The following PHF14 variants were observed in gnomAD, a reference collection of about 807,000 sequenced individuals.
PHF14 encodes the protein PHD finger protein 14.
A neutral mutation model predicts 117.9 loss-of-function variants in PHF14; 55 were observed. The observed-to-expected ratio is 0.47, with a 90% CI of 0.38 to 0.58. The LOEUF is 0.58. PHF14 is among the 20% of genes least tolerant of loss of function. The probability of loss-of-function intolerance (pLI) is 0.00; values close to 1 mark genes in which losing one functional copy is unlikely to be tolerated. For synonymous variants in PHF14, 409 were observed against 368.6 expected (o/e 1.11, Z -1.26); for missense variants, 978 against 1,122.2 (o/e 0.87, Z 1.84).
At chr7:11,006,777 C>A (rs538747162) in intron 4 of PHF14, 1 of 789,656 alleles carries the variant, frequency 1.3e-6, no homozygotes. Context: ...TGGCTGTGGA[C>A]ACCTTTCAAC....
chr7:10,986,636 G>A (rs1358774412), intron 3 of PHF14, among the ~76,000 whole-genome samples: 76 of 152,090 alleles, frequency 5.0e-4, no homozygotes, highest in Non-Finnish European at 2.9e-5. Context: ...TAAATTTAGT[G>A]CAGCCTGAAG....
chr7:10,982,223 G>A, intron 2 of PHF14, 149 bp from the exon 3 acceptor site: 1 of 551,298 alleles, frequency 1.8e-6, no homozygotes, highest in Non-Finnish European at 3.2e-6. Flanking sequence ...ATCAGGTTGG[G>A]AATGTCTACC....
chr7:11,086,098 C>T (rs1170752729), intron 16 of PHF14, among the ~76,000 whole-genome samples: 1 of 152,104 alleles, frequency 6.6e-6, no homozygotes, highest in East Asian at 1.9e-4. Context: ...TGCTTATTCT[C>T]CTTCATCAAC....
At chr7:10,988,851 G>A (rs963355153) in intron 3 of PHF14, among the ~76,000 whole-genome samples, 1 of 152,024 alleles carries the variant, frequency 6.6e-6, no homozygotes, top group African/African-American at 2.4e-5. Flanking sequence ...TCGCCATTTT[G>A]CAGATAAAGA....
chr7:10,975,931 C>A (rs11762175), intron 2 of PHF14, among the ~76,000 whole-genome samples: 52,028 of 151,954 alleles, frequency 0.34, 10,058 homozygotes, highest in South Asian at 0.45. Flanking sequence ...ACTGTTGCTA[C>A]TTTTAGTAGC....
intron 17 of PHF14, among the ~76,000 whole-genome samples, chr7:11,122,825 G>A (rs1787816201): frequency 2.0e-5 from 3 of 152,034 alleles, no homozygotes; most frequent in Admixed American, 2.0e-4. Context: ...AGTAGCTTCA[G>A]TAGTGTTTTC....
At chr7:11,059,714 C>T (rs1785146389) in intron 14 of PHF14, among the ~76,000 whole-genome samples, 1 of 152,046 alleles carries the variant, frequency 6.6e-6, no homozygotes, top group African/African-American at 2.4e-5. Flanking sequence ...GCGGAAACTA[C>T]AGTGAGCTGA....
At position 10,982,792 on chromosome 7, in the gene PHF14, G is replaced by A; in HGVS notation, c.533G>A (p.Ser178Asn). ...TTTTATEEQV[S>N]EPKKWNLRRN... ...ACAACCGCTACAGAGGAACAAGTCAGCGAGCCAAAAAAATGGAACCTTCGA... is the reference window on the plus strand; with the variant it reads ...ACAACCGCTACAGAGGAACAAGTCAACGAGCCAAAAAAATGGAACCTTCGA... The change falls in exon 3 of 18, where the codon AGC becomes AAC. Residue 178 changes from serine (S) to asparagine (N), a missense_variant. Physicochemically the swap from Ser to Asn is conservative, Grantham distance 46 (BLOSUM62 1). Around this residue, in one of 7 missense-constraint regions of PHF14, gnomAD observed 414 missense variants for 376.4 expected, o/e 1.10. Coordinates refer to ENST00000634607, the MANE Select transcript of PHF14 (RefSeq NM_001007157.2). 1.9e-6 allele frequency: 3 copies of A among 1,613,902 alleles called. No homozygotes were observed. The highest frequency in any genetic ancestry group is 2.7e-5 in the African/African-American group (2 of 75,018).
chr7:11,061,590 A>T (rs1350587239), intron 14 of PHF14: 2 of 370,984 alleles, frequency 5.4e-6, no homozygotes, highest in Non-Finnish European at 9.7e-6. Context: ...AAGTATATTT[A>T]ATTTGTTACT....
At chr7:10,984,834 C>T (rs1294403627) in intron 3 of PHF14, among the ~76,000 whole-genome samples, 1 of 151,890 alleles carries the variant, frequency 6.6e-6, no homozygotes, top group African/African-American at 2.4e-5. Flanking sequence ...AGTTTTTTTT[C>T]CCCACTAGAA....
At chr7:11,071,313 G>T (rs1785605541) in intron 16 of PHF14, 3 of 517,558 alleles carry the variant, frequency 5.8e-6, no homozygotes, top group Admixed American at 1.9e-5. Flanking sequence ...AAGCTCCTGT[G>T]TAACATACTC....
At chr7:10,984,660 G>A (rs538709293) in intron 3 of PHF14, among the ~76,000 whole-genome samples, 1 of 152,124 alleles carries the variant, frequency 6.6e-6, no homozygotes, top group Non-Finnish European at 1.5e-5. Context: ...AGGCAGTGTC[G>A]ATTAGATTTA....
intron 16 of PHF14, among the ~76,000 whole-genome samples, chr7:11,095,126 G>A (rs558668209): frequency 9.2e-5 from 14 of 152,260 alleles, no homozygotes; most frequent in African/African-American, 3.4e-4. Context: ...TGTAGTGATA[G>A]TAAGAGTGGT....
At chr7:11,037,204 T>A in intron 10 of PHF14, 113 bp downstream of exon 10, 1 of 920,748 alleles carries the variant, frequency 1.1e-6, no homozygotes, top group Non-Finnish European at 1.6e-6. Context: ...TGGAGCTCTT[T>A]GGCTCTTCCC....
intron 10 of PHF14, among the ~76,000 whole-genome samples, chr7:11,038,219 C>G (rs1404464043): frequency 6.6e-6 from 1 of 151,818 alleles, no homozygotes; most frequent in Non-Finnish European, 1.5e-5. Context: ...CGAGACCATC[C>G]TAGGAGTTTG....
intron 17 of PHF14, among the ~76,000 whole-genome samples, chr7:11,117,899 C>G (rs527597754): frequency 6.6e-6 from 1 of 151,866 alleles, no homozygotes; most frequent in East Asian, 1.9e-4. Context: ...AATATTTTAA[C>G]TATTCATTTG....
At chr7:11,152,165 A>G (rs1477961520) in intron 17 of PHF14, among the ~76,000 whole-genome samples, 4 of 152,202 alleles carry the variant, frequency 2.6e-5, no homozygotes, top group Non-Finnish European at 5.9e-5. Context: ...TAATCTGGTC[A>G]GTATCCATTG....
intron 17 of PHF14, among the ~76,000 whole-genome samples, chr7:11,153,249 C>G (rs909288703): frequency 6.6e-6 from 1 of 152,068 alleles, no homozygotes; most frequent in African/African-American, 2.4e-5. Context: ...AAGCACTAGA[C>G]AGATTTTAGA....
At chr7:10,991,759 A>ATTTTTTTTTTTTTTTTTTTTTTTTTTATT (rs71023881) in intron 4 of PHF14, among the ~76,000 whole-genome samples, 1 of 111,044 alleles carries the variant, frequency 9.0e-6, no homozygotes, top group East Asian at 2.5e-4. Context: ...TAATTTTTTA[A>ATTTTTTTTTTTTTTTTTTTTTTTTTTATT]TTTTTTTTTT....
Sources: gnomAD v4.1 joint callset for allele counts (sites outside exome capture counted in the v4.1 genomes callset) on GRCh38, gnomAD v4.1.1 for gene constraint, gnomAD v4.1.1 regional missense constraint, MANE v1.5 for transcripts, NCBI Gene and HGNC (gene_info 2026-07-23, HGNC 2026-07-21) for gene names.